The following CSMD1 variants were observed in gnomAD, a reference collection of about 807,000 sequenced individuals.
The protein encoded by CSMD1 is CUB and Sushi multiple domains 1.
In CSMD1, 213 loss-of-function variants were observed where a neutral mutation model predicts 417.5. The observed-to-expected ratio is 0.51, with a 90% CI of 0.46 to 0.57. The LOEUF is 0.57. CSMD1 is among the 20% of genes least tolerant of loss of function. The pLI, the probability that CSMD1 is intolerant of heterozygous loss-of-function variation, is 0.00. For synonymous variants in CSMD1, 2,862 were observed against 1,736.8 expected (o/e 1.65, Z -16.11); for missense variants, 6,923 against 4,529.7 (o/e 1.53, Z -15.17).
At chr8:4,381,846 C>A (rs1022985629) in intron 3 of CSMD1, among the ~76,000 whole-genome samples, 1 of 152,146 alleles carries the variant, frequency 6.6e-6, no homozygotes, top group African/African-American at 2.4e-5. Context: ...CACCAAAGCT[C>A]AGCATCACCT....
chr8:3,494,803 T>C (rs1796299665), intron 10 of CSMD1, among the ~76,000 whole-genome samples: 1 of 152,180 alleles, frequency 6.6e-6, no homozygotes, highest in Non-Finnish European at 1.5e-5. Flanking sequence ...AAGTACATTT[T>C]AATAAACTGT....
In CSMD1 at chr8:3,364,798, G is replaced by C. The variant is rs192459371; in HGVS notation, c.3115+2234C>G. Reference sequence around the variant, plus strand: ...TGGACTTCCCAGGGTCCAGAATTGAGAAACAAATTTCTGTTATTTATAAAT... The same window carrying C: ...TGGACTTCCCAGGGTCCAGAATTGACAAACAAATTTCTGTTATTTATAAAT... On this transcript the variant is annotated intron_variant, in intron 20 of 69. Transcript: ENST00000635120. 5.5e-4 allele frequency among the ~76,000 whole-genome samples: 84 copies of C among 152,270 alleles called. 1 individual carries two copies. The highest frequency in any genetic ancestry group is 5.2e-3 in the Admixed American group (80 of 15,296).
At chr8:3,336,128 C>G (rs1295835318) in intron 23 of CSMD1, among the ~76,000 whole-genome samples, 2 of 151,546 alleles carry the variant, frequency 1.3e-5, no homozygotes, top group Non-Finnish European at 2.9e-5. Flanking sequence ...GCAGGTTTCT[C>G]CAAACCTCTG....
chr8:4,243,248 G>A (rs1190374540), intron 3 of CSMD1, among the ~76,000 whole-genome samples: 1 of 152,120 alleles, frequency 6.6e-6, no homozygotes, highest in Non-Finnish European at 1.5e-5. Context: ...GAGATCACCA[G>A]CTCAGGTATT....
intron 2 of CSMD1, among the ~76,000 whole-genome samples, chr8:4,457,572 C>T (rs967269636): frequency 6.6e-6 from 1 of 152,032 alleles, no homozygotes; most frequent in African/African-American, 2.4e-5. Context: ...AATTTATTGT[C>T]TCTGAGCTTC....
chr8:3,778,579 G>T (rs552217594), intron 5 of CSMD1, among the ~76,000 whole-genome samples: 23 of 152,228 alleles, frequency 1.5e-4, no homozygotes, highest in African/African-American at 5.1e-4. Context: ...AGATTCTCTA[G>T]CAGAAAAGAG....
At chr8:3,361,726 A>G (rs1192022977) in intron 20 of CSMD1, among the ~76,000 whole-genome samples, 1 of 151,272 alleles carries the variant, frequency 6.6e-6, no homozygotes, top group South Asian at 2.1e-4. Flanking sequence ...ATTATGTGCT[A>G]TACCTATTAT....
At chr8:4,010,850 T>C (rs1220077349) in intron 4 of CSMD1, among the ~76,000 whole-genome samples, 3 of 152,190 alleles carry the variant, frequency 2.0e-5, no homozygotes, top group Non-Finnish European at 4.4e-5. Context: ...TTTTATATCC[T>C]TGCAGGTAAA....
intron 3 of CSMD1, among the ~76,000 whole-genome samples, chr8:4,072,966 G>C (rs1428360301): frequency 6.6e-6 from 1 of 152,152 alleles, no homozygotes; most frequent in Non-Finnish European, 1.5e-5. Context: ...TTTTGCTCGT[G>C]ACATCAGATT....
chr8:3,254,449 G>C (rs1777464584), intron 26 of CSMD1, among the ~76,000 whole-genome samples: 1 of 152,098 alleles, frequency 6.6e-6, no homozygotes, highest in Non-Finnish European at 1.5e-5. Context: ...AAGTTCTCCT[G>C]GTTTATATCC....
chr8:3,562,944 A>G (rs1021580167), intron 10 of CSMD1, among the ~76,000 whole-genome samples: 57 of 152,086 alleles, frequency 3.7e-4, no homozygotes, highest in African/African-American at 1.3e-3. Context: ...CAAACCATCC[A>G]TTTAGTAATT....
chr8:4,260,557 T>C (rs1803806486), intron 3 of CSMD1, among the ~76,000 whole-genome samples: 1 of 152,202 alleles, frequency 6.6e-6, no homozygotes, highest in African/African-American at 2.4e-5. Context: ...CTGGATTTTA[T>C]TGACTCCTGG....
intron 3 of CSMD1, among the ~76,000 whole-genome samples, chr8:4,045,116 G>A (rs1798082894): frequency 6.6e-6 from 1 of 152,156 alleles, no homozygotes; most frequent in Non-Finnish European, 1.5e-5. Flanking sequence ...ACTGAACATG[G>A]CAGTCACCAC....
At chr8:3,241,005 A>T (rs539466793) in intron 26 of CSMD1, among the ~76,000 whole-genome samples, 3,988 of 149,858 alleles carry the variant, frequency 0.027, 178 homozygotes, top group African/African-American at 0.092. Context: ...ATGAGATGAT[A>T]AGGGGTGCAT....
At chr8:3,718,540 A>G (rs1409340407) in intron 6 of CSMD1, among the ~76,000 whole-genome samples, 1 of 152,204 alleles carries the variant, frequency 6.6e-6, no homozygotes, top group Non-Finnish European at 1.5e-5. Flanking sequence ...ATTGGTTATC[A>G]GAATCTTTTA....
chr8:4,645,302 C>A (rs750032080), intron 1 of CSMD1, among the ~76,000 whole-genome samples: 10 of 151,866 alleles, frequency 6.6e-5, no homozygotes, highest in Admixed American at 6.6e-5. Context: ...GCTGTTGCCC[C>A]CAGGGGAGGC....
At chr8:4,405,323 C>CGGA (rs1804933239) in intron 3 of CSMD1, among the ~76,000 whole-genome samples, 1 of 151,956 alleles carries the variant, frequency 6.6e-6, no homozygotes, top group Non-Finnish European at 1.5e-5. Context: ...GTTTTTTTCT[C>CGGA]ATTTTTTTTT....
intron 3 of CSMD1, among the ~76,000 whole-genome samples, chr8:4,340,527 G>C (rs1263132887): frequency 6.6e-6 from 1 of 152,030 alleles, no homozygotes; most frequent in Admixed American, 6.6e-5. Flanking sequence ...TTTATTATAT[G>C]TCAGATGAAT....
At position 3,158,923 on chromosome 8, in the gene CSMD1, T is replaced by C. The variant is rs950299264; in HGVS notation, c.5845-957A>G. Among the ~76,000 whole-genome samples the C allele has an allele frequency of 4.6e-5, 7 of 152,294 alleles. No homozygotes were observed. The East Asian group carries it at 9.6e-4, about 21-fold the overall frequency. On this transcript the variant is annotated intron_variant, in intron 38 of 69. Coordinates refer to ENST00000635120, the MANE Select transcript of CSMD1 (RefSeq NM_033225.6). ...AAACAAGCGTTTGCACTAATGCAGTTATCAATGGCAAACCGATTCCCTAAG... is the reference window on the plus strand; with the variant it reads ...AAACAAGCGTTTGCACTAATGCAGTCATCAATGGCAAACCGATTCCCTAAG...
Sources: allele counts gnomAD v4.1 joint callset (sites outside exome capture counted in the v4.1 genomes callset), GRCh38; gene constraint gnomAD v4.1.1; transcripts MANE v1.5; gene names NCBI Gene and HGNC (gene_info 2026-07-23, HGNC 2026-07-21).